Variants in TULP3 observed in about 807,000 individuals in gnomAD.
TULP3 encodes the protein tubby-related protein 3.
Under a neutral mutation model 50.7 loss-of-function variants are expected in TULP3, and 38 were observed. The observed-to-expected ratio is 0.75, with a 90% CI of 0.58 to 0.98. The LOEUF (loss-of-function observed/expected upper bound fraction) is 0.98. Among genes scored for constraint, TULP3 ranks in the 50% least tolerant of loss-of-function variants. The pLI is 0.00. For synonymous variants in TULP3, 183 were observed against 196.6 expected (o/e 0.93, Z 0.58); for missense variants, 550 against 568.0 (o/e 0.97, Z 0.32).
rs1453807689 is a variant in TULP3, at chr12:2,940,422, C to A, written c.*978C>A. On this transcript the variant is annotated 3_prime_UTR_variant, in exon 11 of 11. Transcript: ENST00000448120. ...GTGGCAGAGCTGTGGACTTTCTTCT[C>A]GGCTCCCTCAACCCTGGCTCAGGCA... 6.8e-7 allele frequency: 1 copy of A among 1,463,870 alleles called. No homozygotes were observed. The highest frequency in any genetic ancestry group is 2.5e-5 in the Admixed American group (1 of 39,268). The allele number at this position is 1,463,870 out of a possible 1,614,324, so 90.7% of individuals were successfully genotyped here.
intron 4 of TULP3, among the ~76,000 whole-genome samples, chr12:2,929,613 G>C (rs1490673687): frequency 6.7e-6 from 1 of 150,158 alleles, no homozygotes; most frequent in Non-Finnish European, 1.5e-5. Flanking sequence ...TTGTTTTTTT[G>C]AGACAGAGTC....
intron 1 of TULP3, among the ~76,000 whole-genome samples, chr12:2,901,656 T>C (rs993571470): frequency 6.6e-6 from 1 of 152,150 alleles, no homozygotes; most frequent in African/African-American, 2.4e-5. Flanking sequence ...GTGCTGGGAT[T>C]ACAGGTGTGA....
At chr12:2,918,678 T>C (rs1281153635) in intron 2 of TULP3, among the ~76,000 whole-genome samples, 4 of 151,868 alleles carry the variant, frequency 2.6e-5, no homozygotes, top group African/African-American at 9.7e-5. Context: ...TAGCTGGGAT[T>C]ACAGGCATGC....
intron 4 of TULP3, among the ~76,000 whole-genome samples, chr12:2,924,914 A>G (rs2098193834): frequency 6.6e-6 from 1 of 152,156 alleles, no homozygotes; most frequent in African/African-American, 2.4e-5. Flanking sequence ...GCTATGGCTT[A>G]TGCCTGTAAT....
chr12:2,937,705 G>T lies in TULP3; in HGVS notation c.999G>T (p.Lys333Asn). ...VIIPGMTLNH[K>N]QIPYQPQNNH... ...TTCCTGGAATGACACTGAATCATAA[G>T]CAGATCCCCTATCAGCCACAAAACG... Residue 333 changes from lysine (K) to asparagine (N), a missense_variant, in exon 9 of 11, where the codon AAG (lysine) becomes AAT (asparagine). By Grantham distance (94) the Lys-to-Asn change is moderately conservative (BLOSUM62 0). Transcript: ENST00000448120. 2.5e-6 allele frequency: 4 copies of T among 1,612,738 alleles called. No homozygotes were observed. The highest frequency in any genetic ancestry group is 3.4e-6 in the Non-Finnish European group (4 of 1,179,648).
In TULP3 at chr12:2,890,924, G is replaced by A. The variant is rs564622214; in HGVS notation, c.-24G>A. ...GACGGCGGGGAAGAGTGTGTACGTG[G>A]TGGGGGCTTCCTCGGTGGCGGGCAT... On this transcript the variant is annotated 5_prime_UTR_variant, in exon 1 of 11. In the 5' UTR this introduces an upstream ATG that the reference lacks. Coordinates refer to ENST00000448120, the MANE Select transcript of TULP3 (RefSeq NM_003324.5). 4 of 1,591,424 alleles carry A rather than the reference G, an allele frequency of 2.5e-6. No homozygotes were observed. The highest frequency in any genetic ancestry group is 2.3e-5 in the East Asian group (1 of 43,102).
chr12:2,922,461 CT>C, intron 4 of TULP3, 59 bp downstream of exon 4: 1 of 1,570,614 alleles, frequency 6.4e-7, no homozygotes. Context: ...TAATCTTTTC[CT>C]TTCTTTTCAT....
intron 2 of TULP3, among the ~76,000 whole-genome samples, chr12:2,916,200 G>C (rs923993774): frequency 1.3e-5 from 2 of 151,614 alleles, no homozygotes; most frequent in African/African-American, 4.9e-5. Flanking sequence ...AGTAGAGATG[G>C]GGTTTCCGGC....
chr12:2,922,840 CT>C, intron 4 of TULP3, among the ~76,000 whole-genome samples: 1 of 147,950 alleles, frequency 6.8e-6, no homozygotes, highest in African/African-American at 2.5e-5. Context: ...GTCTTCTTTC[CT>C]TTTTAGAAAA....
intron 2 of TULP3, among the ~76,000 whole-genome samples, chr12:2,918,561 A>C (rs1004894875): frequency 5.3e-5 from 8 of 151,728 alleles, no homozygotes; most frequent in Non-Finnish European, 1.2e-4. Flanking sequence ...TTTTTTTGAA[A>C]TGGAGTTTTG....
chr12:2,938,010 T>G (rs976540096), intron 9 of TULP3, 104 bp from the exon 10 acceptor site: 17 of 1,299,226 alleles, frequency 1.3e-5, no homozygotes, highest in Non-Finnish European at 1.7e-5. Flanking sequence ...ATTCTTCGCT[T>G]CTGGTTTACC....
intron 4 of TULP3, among the ~76,000 whole-genome samples, chr12:2,924,268 A>G (rs2098193460): frequency 6.6e-6 from 1 of 152,146 alleles, no homozygotes; most frequent in Non-Finnish European, 1.5e-5. Flanking sequence ...GCAGCAGCTC[A>G]GGGCGTGTGG....
chr12:2,924,627 G>A (rs1000977157), intron 4 of TULP3, among the ~76,000 whole-genome samples: 3 of 151,676 alleles, frequency 2.0e-5, no homozygotes, highest in Non-Finnish European at 2.9e-5. Context: ...GATGCAGTGA[G>A]CTATGATCAT....
chr12:2,936,052 AAGTCAG>A (rs2098201059), intron 8 of TULP3, among the ~76,000 whole-genome samples: 1 of 152,010 alleles, frequency 6.6e-6, no homozygotes, highest in African/African-American at 2.4e-5. Context: ...GGATCACCTG[AAGTCAG>A]GAGGTGGAGA....
chr12:2,934,827 G>T (rs1399782394), intron 8 of TULP3, among the ~76,000 whole-genome samples: 1 of 151,852 alleles, frequency 6.6e-6, no homozygotes, highest in East Asian at 1.9e-4. Context: ...TTACCCAGTG[G>T]CCAAAGGTTA....
chr12:2,895,092 C>G (rs2098174698), intron 1 of TULP3, among the ~76,000 whole-genome samples: 1 of 152,112 alleles, frequency 6.6e-6, no homozygotes, highest in African/African-American at 2.4e-5. Flanking sequence ...TCTTAAATAG[C>G]CTTTTTGTTT....
Position 2,917,067 on chromosome 12 carries a change from C to T in TULP3, c.94-3696C>T, listed in dbSNP as rs185051149. ...AACCAGGTCCTTTGGCACAAATTCA[C>T]GCTAGTTAAACCCACACCAGTAAGT... On this transcript the variant is annotated intron_variant, in intron 2 of 10. Coordinates refer to ENST00000448120, the MANE Select transcript of TULP3 (RefSeq NM_003324.5). Among the ~76,000 whole-genome samples, 7 of 152,198 alleles carry T rather than the reference C, an allele frequency of 4.6e-5. No individual in the cohort carries two copies. The East Asian group carries it at 9.6e-4, about 21-fold the overall frequency.
intron 2 of TULP3, among the ~76,000 whole-genome samples, chr12:2,911,698 T>C (rs2098185750): frequency 1.2e-5 from 1 of 86,322 alleles, no homozygotes; most frequent in Non-Finnish European, 2.2e-5. Context: ...TTTTTTTTTT[T>C]TTTTTTTTTG....
In TULP3 at chr12:2,940,943, C is replaced by A; in HGVS notation, c.*1499C>A. ...AGATAACCCTGGTTGGCCACAGAAG[C>A]TATTAATACACGACAGCATGTGGGG... On this transcript the variant is annotated 3_prime_UTR_variant, in exon 11 of 11. Coordinates refer to ENST00000448120, the MANE Select transcript of TULP3 (RefSeq NM_003324.5). The A allele has an allele frequency of 1.8e-6, 1 of 549,160 alleles. No homozygotes were observed. 34.0% of individuals were successfully genotyped at this position (549,160 alleles called of 1,614,324 possible). A position where few individuals can be genotyped will look rare whatever the true frequency, so the allele number is the denominator to read the frequency against.
Sources: allele counts gnomAD v4.1 joint callset (sites outside exome capture counted in the v4.1 genomes callset), GRCh38; gene constraint gnomAD v4.1.1; transcripts MANE v1.5; gene names NCBI Gene and HGNC (gene_info 2026-07-23, HGNC 2026-07-21).